The following LAMA3 variants were observed in gnomAD, a reference collection of about 807,000 sequenced individuals.
LAMA3 encodes laminin subunit alpha-3.
A neutral mutation model predicts 402.0 loss-of-function variants in LAMA3; 281 were observed. That is an observed-to-expected ratio of 0.70 (90% confidence interval 0.63 to 0.77). The LOEUF (loss-of-function observed/expected upper bound fraction) is 0.77, where lower values mean the gene tolerates loss of function less well. LAMA3 is among the 30% of genes least tolerant of loss of function. The probability of loss-of-function intolerance (pLI) is 0.00; values close to 1 mark genes in which losing one functional copy is unlikely to be tolerated. For synonymous variants in LAMA3, 1,431 were observed against 1,558.4 expected (o/e 0.92, Z 1.93); for missense variants, 3,840 against 4,215.5 (o/e 0.91, Z 2.47).
chr18:23,899,283 C>T lies in LAMA3; in HGVS notation c.5837-5C>T. On this transcript the variant is annotated splice_polypyrimidine_tract_variant and splice_region_variant and intron_variant, in intron 46 of 74. Coordinates refer to ENST00000313654, the MANE Select transcript of LAMA3 (RefSeq NM_198129.4). The stretch of plus-strand genomic sequence containing the variant: ...CAGTCTAATAGACCACTTGATGTTT[C>T]CTAGTTCTTTTAAAGCAGATCTCTG... 1.2e-6 allele frequency: 2 copies of T among 1,613,054 alleles called. No homozygotes were observed. The highest frequency in any genetic ancestry group is 1.7e-6 in the Non-Finnish European group (2 of 1,179,586).
chr18:23,809,748 T>A (rs1351803162), intron 12 of LAMA3, among the ~76,000 whole-genome samples: 1 of 152,180 alleles, frequency 6.6e-6, no homozygotes, highest in Non-Finnish European at 1.5e-5. Flanking sequence ...CCCATCCTTT[T>A]CAATGTTGCC....
chr18:23,839,836 G>T lies in LAMA3; in HGVS notation c.3243G>T (p.Leu1081Phe), dbSNP rs1350455962. Reference sequence around the variant, plus strand: ...AAACTCCTCCAACAGCATTAATTTTGGATGTTCTAAGTGGCAGGCCTTTCC... The same window carrying T: ...AAACTCCTCCAACAGCATTAATTTTTGATGTTCTAAGTGGCAGGCCTTTCC... ...AHETPPTALI[L>F]DVLSGRPFPH... Residue 1081 changes from leucine (L) to phenylalanine (F), a missense_variant, in exon 27 of 75, where the codon TTG becomes TTT. By Grantham distance (22) the Leu-to-Phe change is conservative. Coordinates refer to ENST00000313654, the MANE Select transcript of LAMA3 (RefSeq NM_198129.4). This position sits in a 1 kb window ranked among gnomAD's most constrained non-coding sequence, Gnocchi z 4.5. 1 of 1,613,972 alleles carries T rather than the reference G, an allele frequency of 6.2e-7. No homozygotes were observed. The highest frequency in any genetic ancestry group is 8.5e-7 in the Non-Finnish European group (1 of 1,179,962).
At chr18:23,797,351 GT>G (rs1211474132) in intron 12 of LAMA3, among the ~76,000 whole-genome samples, 1 of 152,078 alleles carries the variant, frequency 6.6e-6, no homozygotes, top group Non-Finnish European at 1.5e-5. Flanking sequence ...CCACAATGGT[GT>G]ATCAGCTGAC....
In LAMA3 at chr18:23,894,899, C is replaced by T. The variant is rs531373410; in HGVS notation, c.5462-8C>T. 1 of 1,614,156 alleles carries T rather than the reference C, an allele frequency of 6.2e-7. No homozygotes were observed. The highest frequency in any genetic ancestry group is 1.1e-5 in the South Asian group (1 of 91,086). ...CAGCACATTTGCCTTTGATTGTGGC[C>T]CCTACAGATTGCGACAGCTGTGTGA... is the stretch of plus-strand genomic sequence containing the variant. On this transcript the variant is annotated splice_region_variant and splice_polypyrimidine_tract_variant and intron_variant, in intron 43 of 74. Transcript: ENST00000313654.
intron 1 of LAMA3, among the ~76,000 whole-genome samples, chr18:23,712,379 CAAAAAAAA>C (rs71163637): frequency 9.6e-6 from 1 of 103,688 alleles, no homozygotes; most frequent in Non-Finnish European, 1.9e-5. Flanking sequence ...AACTCCGTCT[CAAAAAAAA>C]AAAAAAAAAA....
In LAMA3 at chr18:23,931,168, T is replaced by C. The variant is rs151133832; in HGVS notation, c.8543T>C (p.Leu2848Pro). The change falls in exon 65 of 75, where the codon CTG becomes CCG. Residue 2848 changes from leucine to proline, a missense_variant. By Grantham distance (98) the Leu-to-Pro change is moderately conservative (BLOSUM62 -3). This residue lies in a region of LAMA3 where 840 missense variants were observed against 981.9 expected (regional missense o/e 0.86). Coordinates refer to ENST00000313654, the MANE Select transcript of LAMA3 (RefSeq NM_198129.4). ...KSPQTYMDGLLHYVSVISDNS... is the reference protein window; with the variant it reads ...KSPQTYMDGLPHYVSVISDNS... ...CCACAGACGTATATGGATGGTTTACTGCATTATGTATCTGTAATAAGCGAC... is the reference window on the plus strand; with the variant it reads ...CCACAGACGTATATGGATGGTTTACCGCATTATGTATCTGTAATAAGCGAC... 7.7e-5 allele frequency: 124 copies of C among 1,613,012 alleles called. No individual in the cohort carries two copies. Among genetic ancestry groups the C allele is most frequent in the Non-Finnish European group, 1.0e-4 (119 of 1,179,016 alleles).
chr18:23,943,213 C>T (rs1488800793), intron 68 of LAMA3, among the ~76,000 whole-genome samples: 1 of 152,198 alleles, frequency 6.6e-6, no homozygotes, highest in East Asian at 1.9e-4. Flanking sequence ...CCTACAATTC[C>T]ACTTACATGA....
chr18:23,951,195 C>T (rs17187332), intron 72 of LAMA3, among the ~76,000 whole-genome samples: 8,236 of 152,220 alleles, frequency 0.054, 741 homozygotes, highest in East Asian at 0.4. Flanking sequence ...GCCTGGCTCC[C>T]GATGCGTGCC....
intron 2 of LAMA3, among the ~76,000 whole-genome samples, chr18:23,735,769 C>T (rs2061464398): frequency 6.6e-6 from 1 of 152,080 alleles, no homozygotes; most frequent in Non-Finnish European, 1.5e-5. Flanking sequence ...TACTTTTTTC[C>T]AGATGGTGAG....
chr18:23,951,864 C>G, intron 73 of LAMA3, 87 bp downstream of exon 73: 1 of 1,023,532 alleles, frequency 9.8e-7, no homozygotes, highest in Non-Finnish European at 1.5e-6. Flanking sequence ...AGCCTCAGCC[C>G]CTCCATCCAC....
At chr18:23,710,273 C>G in intron 1 of LAMA3, 2 of 539,834 alleles carry the variant, frequency 3.7e-6, no homozygotes, top group Non-Finnish European at 6.7e-6. Flanking sequence ...CTTCCTTCTT[C>G]GCCTTCGGCG....
chr18:23,845,163 G>C, intron 30 of LAMA3, 39 bp downstream of exon 30: 1 of 1,201,526 alleles, frequency 8.3e-7, no homozygotes, highest in Non-Finnish European at 1.2e-6. Flanking sequence ...GAATGCAGAG[G>C]CACTCCCACA....
At chr18:23,843,000 T>G (rs1243478878) in intron 29 of LAMA3, among the ~76,000 whole-genome samples, 1 of 152,200 alleles carries the variant, frequency 6.6e-6, no homozygotes, top group East Asian at 1.9e-4. Flanking sequence ...TGCTTCCTCA[T>G]CTGACCAGTC....
At chr18:23,913,891 A>C (rs890815414) in intron 56 of LAMA3, among the ~76,000 whole-genome samples, 1 of 152,250 alleles carries the variant, frequency 6.6e-6, no homozygotes, top group Non-Finnish European at 1.5e-5. Flanking sequence ...CACACTTAAA[A>C]TGGTTAAAAT....
chr18:23,763,759 T>C (rs562901933), intron 8 of LAMA3, among the ~76,000 whole-genome samples: 19 of 152,152 alleles, frequency 1.2e-4, no homozygotes, highest in Non-Finnish European at 2.6e-4. Context: ...CGATTTAAAT[T>C]TTGCCTAAAT....
intron 52 of LAMA3, among the ~76,000 whole-genome samples, chr18:23,905,844 A>G (rs998773858): frequency 3.3e-5 from 5 of 152,094 alleles, no homozygotes; most frequent in African/African-American, 7.2e-5. Context: ...AGCTCACTGT[A>G]GCTTTGAACT....
chr18:23,950,785 A>G (rs2082881258), intron 72 of LAMA3, among the ~76,000 whole-genome samples: 1 of 152,228 alleles, frequency 6.6e-6, no homozygotes, highest in Non-Finnish European at 1.5e-5. Context: ...CAAAATTCCT[A>G]GAATACTTTC....
chr18:23,902,795 G>C (rs2081116888), intron 48 of LAMA3, among the ~76,000 whole-genome samples: 1 of 152,192 alleles, frequency 6.6e-6, no homozygotes, highest in African/African-American at 2.4e-5. Context: ...GATAGCAATT[G>C]TTTCATTGGC....
chr18:23,927,106 G>A (rs1415221913), intron 62 of LAMA3, among the ~76,000 whole-genome samples: 1 of 152,330 alleles, frequency 6.6e-6, no homozygotes, highest in East Asian at 1.9e-4. Flanking sequence ...AACACCTGCT[G>A]AGCATTCACG....
Sources: gnomAD v4.1 joint callset for allele counts (sites outside exome capture counted in the v4.1 genomes callset) on GRCh38, gnomAD v4.1.1 for gene constraint, gnomAD v4.1.1 regional missense constraint, Gnocchi (gnomAD v3.1) non-coding constraint, MANE v1.5 for transcripts, NCBI Gene and HGNC (gene_info 2026-07-23, HGNC 2026-07-21) for gene names.